MYO16: variants seen among roughly 807,000 people sequenced by gnomAD.
MYO16 encodes the protein unconventional myosin-XVI.
MYO16 carries 94 observed loss-of-function variants against 205.3 expected under a neutral mutation model. That is an observed-to-expected ratio of 0.46 (90% CI 0.39 to 0.54). MYO16 has a LOEUF of 0.54. MYO16 is among the 20% of genes least tolerant of loss of function. MYO16 has a pLI of 0.00. For synonymous variants in MYO16, 988 were observed against 954.0 expected (o/e 1.04, Z -0.66); for missense variants, 2,315 against 2,387.5 (o/e 0.97, Z 0.63).
intron 5 of MYO16, among the ~76,000 whole-genome samples, chr13:108,791,961 G>A (rs931281249): frequency 3.9e-5 from 6 of 152,226 alleles, no homozygotes; most frequent in African/African-American, 1.4e-4. Flanking sequence ...GAGACAAAGT[G>A]CTCAGAAGAG....
upstream of MYO16, among the ~76,000 whole-genome samples, chr13:108,626,215 T>A (rs1054355567): frequency 2.0e-5 from 3 of 152,166 alleles, no homozygotes; most frequent in Admixed American, 6.6e-5. Flanking sequence ...AGCAGCTGTA[T>A]GGTGTATAAA....
intron 16 of MYO16, among the ~76,000 whole-genome samples, chr13:108,941,932 A>C (rs894137253): frequency 5.9e-5 from 9 of 152,208 alleles, no homozygotes; most frequent in Non-Finnish European, 1.2e-4. Flanking sequence ...TCCTTGACTC[A>C]AAGCAAATTT....
At chr13:109,008,231 G>A (rs1350102654) in intron 21 of MYO16, among the ~76,000 whole-genome samples, 1 of 152,194 alleles carries the variant, frequency 6.6e-6, no homozygotes, top group African/African-American at 2.4e-5. Context: ...AACTCCCTGA[G>A]TCAATACTTT....
rs1043768725 is a variant in MYO16 at position 108,938,895 on chromosome 13, A to G, written c.1926-18793A>G. Among the ~76,000 whole-genome samples, 9 of 152,350 alleles carry G rather than the reference A, an allele frequency of 5.9e-5. No homozygotes were observed. In the East Asian group the frequency reaches 1.5e-3, roughly 26 times the overall value. On this transcript the variant is annotated intron_variant, in intron 16 of 34. Coordinates refer to ENST00000457511, the MANE Select transcript of MYO16 (RefSeq NM_001198950.3). ...GGGGAGTAGGCTGGTGAACCCATCA[A>G]TGGCACACACAGATCAGATCCAGGT...
the MYO16 span, among the ~76,000 whole-genome samples, chr13:108,582,281 T>C: frequency 6.6e-6 from 1 of 152,040 alleles, no homozygotes; most frequent in Admixed American, 6.6e-5. Context: ...CACCACCGAG[T>C]CATTTAGTTT....
At chr13:109,015,926 T>G (rs960531289) in intron 22 of MYO16, among the ~76,000 whole-genome samples, 2 of 152,210 alleles carry the variant, frequency 1.3e-5, no homozygotes, top group Non-Finnish European at 2.9e-5. Flanking sequence ...CTGGATTCAC[T>G]GATTTTTTTG....
intron 4 of MYO16, among the ~76,000 whole-genome samples, chr13:108,731,271 C>T (rs1884513795): frequency 6.6e-6 from 1 of 152,180 alleles, no homozygotes; most frequent in African/African-American, 2.4e-5. Flanking sequence ...TTAGTGTATG[C>T]TTGAATATCA....
chr13:108,870,150 TGTAA>T (rs1419913888), intron 12 of MYO16, among the ~76,000 whole-genome samples: 1 of 152,006 alleles, frequency 6.6e-6, no homozygotes, highest in Non-Finnish European at 1.5e-5. Flanking sequence ...TTTTATCAAA[TGTAA>T]GTATTTTTTC....
chr13:108,951,674 G>A (rs529763556), intron 16 of MYO16, among the ~76,000 whole-genome samples: 9 of 152,210 alleles, frequency 5.9e-5, no homozygotes, highest in African/African-American at 1.7e-4. Flanking sequence ...TTGGAGTGAA[G>A]AAATGAACAG....
rs116666508 is a variant in MYO16, at chr13:108,836,416, G to C, written c.1098-7927G>C. 6.8e-3 allele frequency among the ~76,000 whole-genome samples: 1,034 copies of C among 152,366 alleles called. 12 individuals carry two copies. The highest frequency in any genetic ancestry group is 0.024 in the African/African-American group (995 of 41,594). On this transcript the variant is annotated intron_variant, in intron 9 of 34. Coordinates refer to ENST00000457511, the MANE Select transcript of MYO16 (RefSeq NM_001198950.3). ...TCATTGGAGAAGCCCTGCTAGGGCA[G>C]TGTGGAAGGGAAATGTGGGGTTGGA... is the stretch of plus-strand genomic sequence containing the variant.
the MYO16 span, among the ~76,000 whole-genome samples, chr13:108,569,268 C>T: frequency 6.6e-6 from 1 of 152,182 alleles, no homozygotes; most frequent in Non-Finnish European, 1.5e-5. Flanking sequence ...GCCTTCTTCA[C>T]ACTTTTGAGG....
At chr13:109,142,914 A>G (rs897849765) in intron 32 of MYO16, among the ~76,000 whole-genome samples, 8 of 152,136 alleles carry the variant, frequency 5.3e-5, no homozygotes, top group African/African-American at 1.9e-4. Flanking sequence ...TCGTTGCTTC[A>G]TTCTTTCTTT....
intron 4 of MYO16, among the ~76,000 whole-genome samples, chr13:108,784,358 C>T (rs190367968): frequency 1.3e-5 from 2 of 152,040 alleles, no homozygotes; most frequent in East Asian, 3.9e-4. Context: ...ATATGACTTG[C>T]TTTGTTCAGA....
intron 32 of MYO16, among the ~76,000 whole-genome samples, chr13:109,161,387 A>T (rs1419499908): frequency 6.6e-6 from 1 of 152,246 alleles, no homozygotes; most frequent in Non-Finnish European, 1.5e-5. Flanking sequence ...TCTGGGCCTC[A>T]GTCTGAATCT....
chr13:108,640,605 G>A (rs1880462272), intron 1 of MYO16, among the ~76,000 whole-genome samples: 1 of 152,080 alleles, frequency 6.6e-6, no homozygotes, highest in South Asian at 2.1e-4. Flanking sequence ...CCTCATCTTT[G>A]GAAAGTGAAA....
At chr13:108,606,759 C>T (rs1878975365) in intron 1 of MYO16, among the ~76,000 whole-genome samples, 1 of 152,130 alleles carries the variant, frequency 6.6e-6, no homozygotes, top group Admixed American at 6.5e-5. Context: ...CTCCAGACCC[C>T]AGAATGGTAG....
intron 2 of MYO16, among the ~76,000 whole-genome samples, chr13:108,688,577 G>C (rs542726311): frequency 1.3e-5 from 2 of 152,236 alleles, no homozygotes; most frequent in African/African-American, 4.8e-5. Context: ...CAATTCCTGA[G>C]TCTGTCAGGA....
chr13:108,913,177 T>A (rs1881342348), intron 16 of MYO16, among the ~76,000 whole-genome samples: 1 of 152,344 alleles, frequency 6.6e-6, no homozygotes. Flanking sequence ...GTTATTTTAT[T>A]GAAATGTATC....
chr13:109,202,778 C>A lies in MYO16; in HGVS notation c.5416-3831C>A, dbSNP rs200699463. ...TAAGCAGCAAGAAAAAATCTGGAGA[C>A]ATCACATTATCTGATTTCAAACTAT... On this transcript the variant is annotated intron_variant, in intron 34 of 34. Transcript: ENST00000457511. 1.6e-4 allele frequency among the ~76,000 whole-genome samples: 24 copies of A among 152,274 alleles called. 1 individual carries two copies. In the East Asian group the frequency reaches 4.6e-3, roughly 29 times the overall value.
Sources: allele counts gnomAD v4.1 joint callset (sites outside exome capture counted in the v4.1 genomes callset), GRCh38; gene constraint gnomAD v4.1.1; transcripts MANE v1.5; gene names NCBI Gene and HGNC (gene_info 2026-07-23, HGNC 2026-07-21).